MAP2K6: variants seen among roughly 807,000 people sequenced by gnomAD.
MAP2K6 encodes mitogen-activated protein kinase kinase 6, also known as dual specificity mitogen-activated protein kinase kinase 6.
A neutral mutation model predicts 53.7 loss-of-function variants in MAP2K6; 16 were observed. That is an observed-to-expected ratio of 0.30 (90% CI 0.20 to 0.45). The LOEUF (loss-of-function observed/expected upper bound fraction) is 0.45, where lower values mean the gene tolerates loss of function less well. MAP2K6 is among the 20% of genes least tolerant of loss of function. MAP2K6 has a pLI of 1.00. For synonymous variants in MAP2K6, 132 were observed against 143.1 expected, an observed-to-expected ratio of 0.92 and a Z score of 0.55; for missense variants, 204 against 411.9, an observed-to-expected ratio of 0.50 and a Z score of 4.37.
intron 1 of MAP2K6, among the ~76,000 whole-genome samples, chr17:69,449,211 A>G (rs1342519035): frequency 6.6e-6 from 1 of 152,210 alleles, no homozygotes; most frequent in Non-Finnish European, 1.5e-5. Flanking sequence ...AATGGGGATG[A>G]TACTGGTATC....
At chr17:69,457,898 A>G (rs1427165729) in intron 1 of MAP2K6, among the ~76,000 whole-genome samples, 1 of 152,218 alleles carries the variant, frequency 6.6e-6, no homozygotes, top group Non-Finnish European at 1.5e-5. Flanking sequence ...ATGTCTGCAG[A>G]AGATTCCTGT....
chr17:69,456,103 C>A lies in MAP2K6; in HGVS notation c.16+41103C>A, dbSNP rs142576699. Among the ~76,000 whole-genome samples the A allele has an allele frequency of 9.1e-3, 1,383 of 152,204 alleles. 10 individuals are homozygous for A. The highest frequency in any genetic ancestry group is 0.013 in the Non-Finnish European group (852 of 68,016). On this transcript the variant is annotated intron_variant, in intron 1 of 11. Coordinates refer to ENST00000590474, the MANE Select transcript of MAP2K6 (RefSeq NM_002758.4). Reference sequence around the variant, plus strand: ...CTCGAACTCCTGACCTCAGTAGATCCGCCCGCATCGGCCTCCCAAAGTGCT... The same window carrying A: ...CTCGAACTCCTGACCTCAGTAGATCAGCCCGCATCGGCCTCCCAAAGTGCT...
At chr17:69,445,455 C>T (rs1180972989) in intron 1 of MAP2K6, among the ~76,000 whole-genome samples, 1 of 152,150 alleles carries the variant, frequency 6.6e-6, no homozygotes, top group African/African-American at 2.4e-5. Flanking sequence ...GATTTGTGAA[C>T]AATTTTCAGA....
chr17:69,553,260 A>G lies in MAP2K6; in HGVS notation c.*11507A>G, dbSNP rs1021759390. On this transcript the variant is annotated 3_prime_UTR_variant, in exon 12 of 12. Transcript: ENST00000590474. ...TTCCCATCACATCTAGTAAAAAACA[A>G]CCTTTTCATTTCCCTCCTTTCTAAT... is the stretch of plus-strand genomic sequence containing the variant. The G allele has an allele frequency of 5.3e-5, 8 of 152,146 alleles. No individual in the cohort carries two copies. The highest frequency in any genetic ancestry group is 7.2e-5 in the African/African-American group (3 of 41,432). The allele number at this position is 152,146 out of a possible 1,614,324, so 9.4% of individuals were successfully genotyped here.
chr17:69,537,874 A>T (rs1911432310), intron 11 of MAP2K6, among the ~76,000 whole-genome samples: 1 of 152,246 alleles, frequency 6.6e-6, no homozygotes, highest in Non-Finnish European at 1.5e-5. Context: ...ATTTTTTAAT[A>T]GCCAGTCAAA....
chr17:69,497,037 C>T (rs1229947680), intron 1 of MAP2K6, among the ~76,000 whole-genome samples: 1 of 152,114 alleles, frequency 6.6e-6, no homozygotes, highest in Non-Finnish European at 1.5e-5. Context: ...TTCCTTTGTT[C>T]CTCTTATGCA....
chr17:69,533,332 C>T (rs1218158692), intron 10 of MAP2K6, among the ~76,000 whole-genome samples: 4 of 152,100 alleles, frequency 2.6e-5, no homozygotes, highest in Admixed American at 6.5e-5. Flanking sequence ...AAAAAAAATA[C>T]AGTATTTTTA....
At chr17:69,417,812 G>A (rs1905953456) in intron 1 of MAP2K6, among the ~76,000 whole-genome samples, 1 of 152,094 alleles carries the variant, frequency 6.6e-6, no homozygotes, top group African/African-American at 2.4e-5. Context: ...AGGGAGGTAG[G>A]GAGATCTGGC....
At chr17:69,431,243 A>AGTTCATGCTTCTT (rs1906453456) in intron 1 of MAP2K6, among the ~76,000 whole-genome samples, 1 of 152,160 alleles carries the variant, frequency 6.6e-6, no homozygotes, top group Non-Finnish European at 1.5e-5. Context: ...TAAACACTAA[A>AGTTCATGCTTCTT]GTTCATGCTT....
chr17:69,505,594 A>G (rs1302588132), intron 1 of MAP2K6, 186 bp from the exon 2 acceptor site: 1 of 560,502 alleles, frequency 1.8e-6, no homozygotes, highest in African/African-American at 1.9e-5. Flanking sequence ...TCTGTATTTG[A>G]GAAGCTCTGT....
intron 1 of MAP2K6, among the ~76,000 whole-genome samples, chr17:69,486,342 G>A (rs1019121762): frequency 6.6e-6 from 1 of 152,146 alleles, no homozygotes; most frequent in Non-Finnish European, 1.5e-5. Context: ...ATTAAGAGAT[G>A]GAAGTTCTCC....
chr17:69,529,504 ATTTTTTTTTT>A (rs10566943), intron 10 of MAP2K6, among the ~76,000 whole-genome samples: 1 of 98,390 alleles, frequency 1.0e-5, no homozygotes, highest in African/African-American at 4.2e-5. Flanking sequence ...ATGGTTTTTA[ATTTTTTTTTT>A]TTTTTTTTTT....
intron 1 of MAP2K6, among the ~76,000 whole-genome samples, chr17:69,425,469 C>A (rs1349937075): frequency 6.6e-6 from 1 of 152,092 alleles, no homozygotes; most frequent in Non-Finnish European, 1.5e-5. Context: ...CCCACCACCA[C>A]ACCCAGCTAC....
chr17:69,437,795 A>G (rs573640912), intron 1 of MAP2K6, among the ~76,000 whole-genome samples: 1 of 152,278 alleles, frequency 6.6e-6, no homozygotes, highest in Non-Finnish European at 1.5e-5. Context: ...CTTTGGATTC[A>G]CCTATTCTAG....
At chr17:69,495,900 C>T (rs938153030) in intron 1 of MAP2K6, among the ~76,000 whole-genome samples, 10 of 152,032 alleles carry the variant, frequency 6.6e-5, no homozygotes, top group Non-Finnish European at 1.0e-4. Context: ...ATGAGTGAAG[C>T]AGCCCATAAA....
intron 1 of MAP2K6, among the ~76,000 whole-genome samples, chr17:69,491,155 C>CTTT (rs952614308): frequency 2.7e-5 from 4 of 150,880 alleles, no homozygotes; most frequent in Non-Finnish European, 3.0e-5. Flanking sequence ...CTCCTTCCTT[C>CTTT]TTTTTTTTGA....
intron 1 of MAP2K6, among the ~76,000 whole-genome samples, chr17:69,500,581 C>A (rs918819088): frequency 6.6e-6 from 1 of 151,462 alleles, no homozygotes; most frequent in Non-Finnish European, 1.5e-5. Context: ...ATGGTGAAAC[C>A]CCATCTGTAC....
chr17:69,537,151 TA>T (rs1196140959), intron 11 of MAP2K6, among the ~76,000 whole-genome samples: 1 of 152,216 alleles, frequency 6.6e-6, no homozygotes, highest in African/African-American at 2.4e-5. Flanking sequence ...CTAATGATTC[TA>T]AAAGCTAAAT....
At chr17:69,533,731 G>GT (rs199915836) in intron 10 of MAP2K6, among the ~76,000 whole-genome samples, 1,756 of 114,914 alleles carry the variant, frequency 0.015, 32 homozygotes, top group African/African-American at 0.041. Flanking sequence ...CTTCTAGCCT[G>GT]TTTGTTTTTT....
Sources: gnomAD v4.1 joint callset for allele counts (sites outside exome capture counted in the v4.1 genomes callset) on GRCh38, gnomAD v4.1.1 for gene constraint, MANE v1.5 for transcripts, NCBI Gene and HGNC (gene_info 2026-07-23, HGNC 2026-07-21) for gene names.